The following ANOS1 variants were observed in gnomAD, a reference collection of about 807,000 sequenced individuals.
ANOS1 encodes the protein anosmin 1, also known as anosmin-1.
ANOS1 carries 6 observed loss-of-function variants against 59.0 expected under a neutral mutation model. The ratio of observed to expected loss-of-function variants is 0.10; its 90% CI spans 0.06 to 0.20. ANOS1 has a LOEUF of 0.20. ANOS1 is among the 10% of genes least tolerant of loss of function. The pLI is 1.00. For synonymous variants in ANOS1, 217 were observed against 223.4 expected (o/e 0.97, Z 0.25); for missense variants, 433 against 542.3 (o/e 0.80, Z 2.00).
intron 2 of ANOS1, among the ~76,000 whole-genome samples, chrX:8,627,381 A>G (rs1309895558): frequency 2.7e-5 from 3 of 112,259 alleles, no homozygotes; most frequent in Non-Finnish European, 5.6e-5. Context: ...AATACCTTAT[A>G]CAAAACAAAT....
At chrX:8,714,730 GA>G (rs746139342) in intron 1 of ANOS1, among the ~76,000 whole-genome samples, 12 of 110,637 alleles carry the variant, frequency 1.1e-4, no homozygotes, top group East Asian at 5.7e-4. Context: ...CCAAGAAGGG[GA>G]AAAAAAATGA....
intron 2 of ANOS1, among the ~76,000 whole-genome samples, chrX:8,674,059 C>T (rs780054598): frequency 8.9e-6 from 1 of 112,064 alleles, no homozygotes; most frequent in African/African-American, 3.2e-5. Flanking sequence ...GGAAACTTCC[C>T]CAGCTCCCAA....
intron 1 of ANOS1, among the ~76,000 whole-genome samples, chrX:8,721,440 T>C (rs1932874040): frequency 8.9e-6 from 1 of 112,073 alleles, no homozygotes; most frequent in Non-Finnish European, 1.9e-5. Context: ...CACAGAGTAG[T>C]TGTGATGGTC....
At chrX:8,630,051 C>T (rs894532154) in intron 2 of ANOS1, among the ~76,000 whole-genome samples, 27 of 111,662 alleles carry the variant, frequency 2.4e-4, no homozygotes, top group Non-Finnish European at 1.9e-5. Flanking sequence ...TTCATTCTGC[C>T]CTGAGGGAGC....
chrX:8,668,394 CATATATAT>C (rs202229567), intron 2 of ANOS1, among the ~76,000 whole-genome samples: 3,149 of 51,518 alleles, frequency 0.061, 166 homozygotes, highest in Admixed American at 0.2. Context: ...AGTATTCCAT[CATATATAT>C]ATATATATAT....
In ANOS1 at chrX:8,569,502, T is replaced by C. The variant is rs371589702; in HGVS notation, c.1062+997A>G. Among the ~76,000 whole-genome samples, 885 of 110,531 alleles carry C rather than the reference T, an allele frequency of 8.0e-3. 6 individuals are homozygous for C. The highest frequency in any genetic ancestry group is 0.027 in the African/African-American group (820 of 30,358). ...CTAAAAATACAAAAAATTAGCTGGG[T>C]GTGGTGGCGGGCGCCTGTAGTCCCA... On this transcript the variant is annotated intron_variant, in intron 7 of 13. Coordinates refer to ENST00000262648, the MANE Select transcript of ANOS1 (RefSeq NM_000216.4).
rs186504740 is a variant in ANOS1, at chrX:8,731,420, A to T, written c.207+410T>A. Among the ~76,000 whole-genome samples, 992 of 111,209 alleles carry T rather than the reference A, an allele frequency of 8.9e-3. 6 individuals carry two copies. The highest frequency in any genetic ancestry group is 0.014 in the Non-Finnish European group (730 of 52,741). ...AGGTGAGGTCCCCAGGCGCAGCCGG[A>T]CGCGCCTCCCAGACTCCCTCCCAGT... On this transcript the variant is annotated intron_variant, in intron 1 of 13. Coordinates refer to ENST00000262648, the MANE Select transcript of ANOS1 (RefSeq NM_000216.4).
intron 2 of ANOS1, among the ~76,000 whole-genome samples, chrX:8,673,665 G>A (rs1485727771): frequency 9.0e-6 from 1 of 110,914 alleles, no homozygotes; most frequent in Non-Finnish European, 1.9e-5. Context: ...TGGATTTTGA[G>A]AGTTTTGAGA....
At chrX:8,645,887 G>A (rs943057804) in intron 2 of ANOS1, among the ~76,000 whole-genome samples, 1 of 111,977 alleles carries the variant, frequency 8.9e-6, no homozygotes, top group African/African-American at 3.2e-5. Context: ...CTCGTGATCC[G>A]CCCGCCTCGG....
chrX:8,667,241 C>A (rs753725585), intron 2 of ANOS1, among the ~76,000 whole-genome samples: 3 of 110,431 alleles, frequency 2.7e-5, no homozygotes, highest in Non-Finnish European at 5.7e-5. Flanking sequence ...CAAGCCTTCC[C>A]GTACTGGACA....
chrX:8,564,468 A>T (rs1930078556), intron 8 of ANOS1, among the ~76,000 whole-genome samples: 1 of 112,324 alleles, frequency 8.9e-6, no homozygotes, highest in Non-Finnish European at 1.9e-5. Flanking sequence ...CTGAGGTTGT[A>T]GGCAAATGAG....
At chrX:8,542,848 C>A (rs961996809) in intron 9 of ANOS1, among the ~76,000 whole-genome samples, 3 of 107,054 alleles carry the variant, frequency 2.8e-5, no homozygotes, top group Non-Finnish European at 3.9e-5. Flanking sequence ...AGGGTAATAT[C>A]CCCATCTCAA....
intron 2 of ANOS1, among the ~76,000 whole-genome samples, chrX:8,696,761 C>T (rs751007249): frequency 1.8e-5 from 2 of 112,254 alleles, no homozygotes; most frequent in Non-Finnish European, 3.8e-5. Context: ...GCATCCCTGG[C>T]CTTGACCCAC....
chrX:8,594,988 A>T (rs2146825637), intron 4 of ANOS1, among the ~76,000 whole-genome samples: 1 of 108,496 alleles, frequency 9.2e-6, no homozygotes, highest in East Asian at 2.9e-4. Context: ...TTACATTGAA[A>T]GTGTCTTTGT....
At chrX:8,585,050 T>G (rs965630223) in intron 6 of ANOS1, among the ~76,000 whole-genome samples, 1 of 112,134 alleles carries the variant, frequency 8.9e-6, no homozygotes, top group Admixed American at 9.4e-5. Context: ...AACTCCCTTA[T>G]GTTATCTTCT....
intron 9 of ANOS1, among the ~76,000 whole-genome samples, chrX:8,552,371 G>C (rs150238607): frequency 8.9e-6 from 1 of 112,182 alleles, no homozygotes; most frequent in African/African-American, 3.2e-5. Context: ...ACATGTGTTC[G>C]TGGGGCATTC....
chrX:8,704,615 T>C (rs1932771836), intron 1 of ANOS1, among the ~76,000 whole-genome samples: 1 of 112,603 alleles, frequency 8.9e-6, no homozygotes, highest in African/African-American at 3.2e-5. Flanking sequence ...AACTCTGTCA[T>C]TACAAAGAAA....
At position 8,621,806 on chromosome X, in the gene ANOS1, C is replaced by A. The variant is rs559240677; in HGVS notation, c.318+1802G>T. ...ATCATTCACAGCTGAGATCTTTCAT[C>A]CAGGAGAAAATAAGCCCCACAAAAG... On this transcript the variant is annotated intron_variant, in intron 3 of 13. Coordinates refer to ENST00000262648, the MANE Select transcript of ANOS1 (RefSeq NM_000216.4). Among the ~76,000 whole-genome samples the A allele has an allele frequency of 8.1e-5, 9 of 111,652 alleles. No individual in the cohort carries two copies. In the South Asian group the frequency reaches 3.0e-3, roughly 37 times the overall value.
chrX:8,612,157 G>T (rs1808228989), intron 3 of ANOS1, among the ~76,000 whole-genome samples: 1 of 111,458 alleles, frequency 9.0e-6, no homozygotes, highest in African/African-American at 3.3e-5. Flanking sequence ...AAATTTAAAA[G>T]GATAGAAATC....
Sources: gnomAD v4.1 joint callset for allele counts (sites outside exome capture counted in the v4.1 genomes callset) on GRCh38, gnomAD v4.1.1 for gene constraint, MANE v1.5 for transcripts, NCBI Gene and HGNC (gene_info 2026-07-23, HGNC 2026-07-21) for gene names.